The following SGCZ variants were observed in gnomAD, a reference collection of about 807,000 sequenced individuals.
SGCZ encodes the protein zeta-sarcoglycan.
A neutral mutation model predicts 41.3 loss-of-function variants in SGCZ; 40 were observed. The observed-to-expected ratio is 0.97, with a 90% CI of 0.75 to 1.26. SGCZ has a LOEUF of 1.26. SGCZ is among the 50% of genes most tolerant of loss of function. SGCZ has a pLI of 0.00. For missense variants in SGCZ, 552 were observed against 369.8 expected, an observed-to-expected ratio of 1.49 and a Z score of -4.04; for synonymous variants, 206 against 137.5, an observed-to-expected ratio of 1.50 and a Z score of -3.49.
At chr8:14,810,735 C>A (rs956188094) in intron 1 of SGCZ, among the ~76,000 whole-genome samples, 4 of 151,942 alleles carry the variant, frequency 2.6e-5, no homozygotes, top group Non-Finnish European at 5.9e-5. Context: ...ATCAGCTATA[C>A]TGATAGTATT....
chr8:14,391,173 G>C (rs1413610014), intron 2 of SGCZ, among the ~76,000 whole-genome samples: 1 of 152,052 alleles, frequency 6.6e-6, no homozygotes, highest in Non-Finnish European at 1.5e-5. Flanking sequence ...GTAATGCCAG[G>C]TTTGAGAATG....
intron 1 of SGCZ, among the ~76,000 whole-genome samples, chr8:14,763,970 A>C (rs1180584772): frequency 6.6e-6 from 1 of 152,210 alleles, no homozygotes; most frequent in Admixed American, 6.5e-5. Context: ...TTATGGGTAC[A>C]CCTGGTGTTC....
intron 1 of SGCZ, among the ~76,000 whole-genome samples, chr8:15,134,164 C>G (rs1467780417): frequency 6.6e-6 from 1 of 152,104 alleles, no homozygotes; most frequent in Non-Finnish European, 1.5e-5. Context: ...TATCTTTACA[C>G]TACCTTTCCC....
At chr8:14,924,697 T>G (rs186148646) in intron 1 of SGCZ, among the ~76,000 whole-genome samples, 2 of 152,232 alleles carry the variant, frequency 1.3e-5, no homozygotes, top group African/African-American at 4.8e-5. Context: ...AGATAGTAAT[T>G]AGATAAATTC....
intron 1 of SGCZ, among the ~76,000 whole-genome samples, chr8:15,097,391 G>A (rs1255503573): frequency 3.3e-5 from 5 of 152,038 alleles, no homozygotes; most frequent in Admixed American, 2.0e-4. Context: ...AAAAGGCTGA[G>A]GCAACCGCAA....
intron 1 of SGCZ, among the ~76,000 whole-genome samples, chr8:15,007,386 C>T (rs998204779): frequency 6.6e-6 from 1 of 152,138 alleles, no homozygotes; most frequent in African/African-American, 2.4e-5. Flanking sequence ...TTGTTAAAAA[C>T]TCTTGAATTC....
chr8:15,015,742 T>A (rs1354713351), intron 1 of SGCZ, among the ~76,000 whole-genome samples: 3 of 147,222 alleles, frequency 2.0e-5, no homozygotes, highest in African/African-American at 7.7e-5. Context: ...TGTGTGTGTG[T>A]GTGTGTGTGT....
At chr8:14,729,456 T>C (rs1810161804) in intron 1 of SGCZ, among the ~76,000 whole-genome samples, 1 of 152,160 alleles carries the variant, frequency 6.6e-6, no homozygotes, top group Non-Finnish European at 1.5e-5. Context: ...AATTAATTTG[T>C]AAAGGTGAGG....
intron 2 of SGCZ, among the ~76,000 whole-genome samples, chr8:14,427,056 ATGAATGAATGAG>A (rs1286936050): frequency 3.0e-3 from 428 of 143,262 alleles, no homozygotes; most frequent in African/African-American, 7.1e-3. Context: ...GAATGAATGA[ATGAATGAATGAG>A]TGAATGAACG....
rs181844902 is a variant in SGCZ at position 14,305,875 on chromosome 8, C to T, written c.336+18228G>A. Among the ~76,000 whole-genome samples the T allele has an allele frequency of 2.0e-4, 31 of 152,320 alleles. No homozygotes were observed. In the South Asian group the frequency reaches 6.2e-3, roughly 31 times the overall value. ...AAATACTTTCACTTTGGGACTCACT[C>T]TCTATTGCCGCTGGGCACCATTCTG... On this transcript the variant is annotated intron_variant, in intron 3 of 7. Coordinates refer to ENST00000382080, the MANE Select transcript of SGCZ (RefSeq NM_139167.4).
At chr8:15,173,531 GTATAT>G (rs1376215981) in intron 1 of SGCZ, among the ~76,000 whole-genome samples, 12 of 152,200 alleles carry the variant, frequency 7.9e-5, no homozygotes, top group African/African-American at 2.6e-4. Flanking sequence ...GGAGTGCCTT[GTATAT>G]TATAATATGT....
intron 2 of SGCZ, among the ~76,000 whole-genome samples, chr8:14,489,858 T>C (rs894709728): frequency 9.4e-6 from 1 of 106,312 alleles, no homozygotes; most frequent in Non-Finnish European, 2.0e-5. Flanking sequence ...CGCCGAAAAA[T>C]TCTCCTACCT....
Position 14,906,117 on chromosome 8 carries a change from A to T in SGCZ, c.39+331468T>A, listed in dbSNP as rs556029209. ...AGGCTGCGTATTTGAGATATAAGAG[A>T]TAAATAAATTAAACATGGGGCTAAT... On this transcript the variant is annotated intron_variant, in intron 1 of 7. Transcript: ENST00000382080. Among the ~76,000 whole-genome samples the T allele has an allele frequency of 5.9e-5, 9 of 152,250 alleles. No homozygotes were observed. In the South Asian group the frequency reaches 1.9e-3, roughly 32 times the overall value.
At chr8:14,537,668 C>T (rs1803337296) in intron 2 of SGCZ, among the ~76,000 whole-genome samples, 1 of 151,670 alleles carries the variant, frequency 6.6e-6, no homozygotes, top group Admixed American at 6.6e-5. Flanking sequence ...CTCACCATGA[C>T]TTACTAAAAG....
intron 2 of SGCZ, among the ~76,000 whole-genome samples, chr8:14,532,841 T>C (rs10111879): frequency 0.52 from 78,888 of 151,340 alleles, 21,711 homozygotes; most frequent in Middle Eastern, 0.63. Context: ...ATTTGAATGA[T>C]AGAACTCTCT....
At chr8:14,193,671 A>T (rs1805177688) in intron 4 of SGCZ, among the ~76,000 whole-genome samples, 1 of 152,098 alleles carries the variant, frequency 6.6e-6, no homozygotes. Context: ...TATGTCTAAC[A>T]ATAGCTGAGT....
At chr8:14,433,124 T>C (rs541616642) in intron 2 of SGCZ, among the ~76,000 whole-genome samples, 3 of 152,132 alleles carry the variant, frequency 2.0e-5, no homozygotes, top group African/African-American at 7.2e-5. Context: ...ATGTGGAAAA[T>C]AAAATTGCAG....
chr8:14,320,770 T>C (rs1265670205), intron 3 of SGCZ, among the ~76,000 whole-genome samples: 1 of 152,058 alleles, frequency 6.6e-6, no homozygotes, highest in African/African-American at 2.4e-5. Context: ...GTCTGTCATG[T>C]AGGAAGCTGG....
intron 1 of SGCZ, among the ~76,000 whole-genome samples, chr8:14,946,961 A>C (rs948358823): frequency 2.6e-5 from 4 of 152,170 alleles, no homozygotes; most frequent in African/African-American, 4.8e-5. Context: ...GGCGTGAGCC[A>C]CTGCACCTGG....
Sources: allele counts gnomAD v4.1 joint callset (sites outside exome capture counted in the v4.1 genomes callset), GRCh38; gene constraint gnomAD v4.1.1; transcripts MANE v1.5; gene names NCBI Gene and HGNC (gene_info 2026-07-23, HGNC 2026-07-21).